Variants in CHRNA9 observed in about 807,000 individuals in gnomAD.
CHRNA9 encodes neuronal acetylcholine receptor subunit alpha-9.
CHRNA9 carries 24 observed loss-of-function variants against 36.8 expected under a neutral mutation model. The observed-to-expected ratio is 0.65, with a 90% CI of 0.47 to 0.92. The LOEUF is 0.92. Among genes scored for constraint, CHRNA9 ranks in the 40% least tolerant of loss-of-function variants. The probability of loss-of-function intolerance (pLI) is 0.00; values close to 1 mark genes in which losing one functional copy is unlikely to be tolerated. For synonymous variants in CHRNA9, 231 were observed against 231.8 expected, an observed-to-expected ratio of 1.00 and a Z score of 0.03; for missense variants, 610 against 601.2, an observed-to-expected ratio of 1.01 and a Z score of -0.15.
At chr4:40,339,640 G>A (rs1286230534) in intron 3 of CHRNA9, among the ~76,000 whole-genome samples, 3 of 139,706 alleles carry the variant, frequency 2.1e-5, no homozygotes, top group African/African-American at 8.3e-5. Flanking sequence ...TCCAGCCTGG[G>A]TGACAGAGCT....
intron 3 of CHRNA9, among the ~76,000 whole-genome samples, chr4:40,348,306 T>A (rs1320255191): frequency 6.6e-6 from 1 of 152,076 alleles, no homozygotes; most frequent in African/African-American, 2.4e-5. Flanking sequence ...AAATAGAAAT[T>A]CTGTACCCCA....
At chr4:40,336,580 C>T (rs1712326053) in intron 2 of CHRNA9, among the ~76,000 whole-genome samples, 1 of 152,002 alleles carries the variant, frequency 6.6e-6, no homozygotes, top group Non-Finnish European at 1.5e-5. Context: ...GGGTTCACAC[C>T]ATTCTCCTGC....
chr4:40,351,212 A>C (rs898805438), intron 4 of CHRNA9, among the ~76,000 whole-genome samples: 1 of 151,502 alleles, frequency 6.6e-6, no homozygotes. Flanking sequence ...CGTGCCTGTA[A>C]TCCCAGCTAC....
intron 3 of CHRNA9, among the ~76,000 whole-genome samples, chr4:40,345,836 C>T (rs1009257117): frequency 2.0e-5 from 3 of 152,274 alleles, no homozygotes; most frequent in Non-Finnish European, 4.4e-5. Context: ...ACCAGCTTGG[C>T]CAACATGGCA....
intron 3 of CHRNA9, among the ~76,000 whole-genome samples, chr4:40,340,657 G>C (rs150937106): frequency 1.7e-4 from 26 of 152,204 alleles, no homozygotes; most frequent in African/African-American, 6.0e-4. Context: ...ATAGGGTTAG[G>C]GGGTAGGTGA....
intron 3 of CHRNA9, among the ~76,000 whole-genome samples, chr4:40,339,279 C>CAAAAAAAAAAAAAAAAAAAAAAAAAA (rs61634062): frequency 1.4e-5 from 1 of 71,158 alleles, no homozygotes; most frequent in African/African-American, 5.8e-5. Context: ...GACTCCATCT[C>CAAAAAAAAAAAAAAAAAAAAAAAAAA]AAAAAAAAAA....
At chr4:40,337,634 A>G (rs1266957664) in intron 3 of CHRNA9, among the ~76,000 whole-genome samples, 2 of 152,200 alleles carry the variant, frequency 1.3e-5, no homozygotes, top group Admixed American at 6.5e-5. Context: ...TAACTTTGCC[A>G]TAACAGAGTA....
intron 3 of CHRNA9, chr4:40,338,174 G>A (rs1162059396): frequency 6.6e-6 from 1 of 152,218 alleles, no homozygotes. Flanking sequence ...TGGAGTGGAG[G>A]ATGAACCAGT....
intron 2 of CHRNA9, among the ~76,000 whole-genome samples, chr4:40,336,787 A>AT (rs148637762): frequency 4.2e-4 from 64 of 152,222 alleles, no homozygotes; most frequent in Non-Finnish European, 7.9e-4. Flanking sequence ...GCCAATCTCA[A>AT]TTTTTTAAAA....
At chr4:40,350,464 T>C (rs1416210780) in intron 4 of CHRNA9, among the ~76,000 whole-genome samples, 1 of 151,974 alleles carries the variant, frequency 6.6e-6, no homozygotes, top group Non-Finnish European at 1.5e-5. Flanking sequence ...TCTCGAGGAG[T>C]TGCTGTTGTA....
At chr4:40,339,279 CAAAAAAA>C (rs61634062) in intron 3 of CHRNA9, among the ~76,000 whole-genome samples, 7 of 71,158 alleles carry the variant, frequency 9.8e-5, no homozygotes, top group African/African-American at 3.5e-4. Context: ...GACTCCATCT[CAAAAAAA>C]AAAAAAAAAA....
chr4:40,347,834 G>A (rs956341373), intron 3 of CHRNA9: 18 of 152,072 alleles, frequency 1.2e-4, no homozygotes, highest in African/African-American at 1.4e-4. Flanking sequence ...TATACTTTTC[G>A]GGGAAAAACT....
At position 40,339,076 on chromosome 4, in the gene CHRNA9, G is replaced by A. The variant is rs192983456; in HGVS notation, c.365+1712G>A. Among the ~76,000 whole-genome samples, 3 of 152,072 alleles carry A rather than the reference G, an allele frequency of 2.0e-5. No individual in the cohort carries two copies. The East Asian group carries it at 5.8e-4, about 30-fold the overall frequency. The stretch of plus-strand genomic sequence containing the variant: ...GTGGATCGCCTGAGGTCAGGAGTTC[G>A]AGAACAGCCTTGCTAACATGGTGAA... On this transcript the variant is annotated intron_variant, in intron 3 of 4. Transcript: ENST00000310169.
intron 3 of CHRNA9, among the ~76,000 whole-genome samples, chr4:40,339,464 T>C (rs62302177): frequency 0.047 from 7,144 of 150,552 alleles, 257 homozygotes; most frequent in Non-Finnish European, 0.064. Flanking sequence ...GGGCGGATCA[T>C]GAGGTCAGGA....
At chr4:40,346,289 A>T (rs1712635759) in intron 3 of CHRNA9, among the ~76,000 whole-genome samples, 1 of 152,224 alleles carries the variant, frequency 6.6e-6, no homozygotes, top group South Asian at 2.1e-4. Context: ...TACTTCATGC[A>T]AATCTTTCCT....
chr4:40,343,088 C>T (rs939158932), intron 3 of CHRNA9, among the ~76,000 whole-genome samples: 1 of 152,224 alleles, frequency 6.6e-6, no homozygotes, highest in East Asian at 1.9e-4. Context: ...GGGCGACTCT[C>T]CCTGCTCCCT....
At chr4:40,339,094 A>G (rs963371426) in intron 3 of CHRNA9, among the ~76,000 whole-genome samples, 1 of 151,654 alleles carries the variant, frequency 6.6e-6, no homozygotes, top group Admixed American at 6.6e-5. Flanking sequence ...CCTTGCTAAC[A>G]TGGTGAAATC....
chr4:40,347,983 T>C (rs1441649442), intron 3 of CHRNA9: 1 of 152,210 alleles, frequency 6.6e-6, no homozygotes, highest in Non-Finnish European at 1.5e-5. Flanking sequence ...GCACATCTCA[T>C]TGAATTAAAG....
chr4:40,340,973 C>CA (rs543449903), intron 3 of CHRNA9, among the ~76,000 whole-genome samples: 11,678 of 64,516 alleles, frequency 0.18, 1,141 homozygotes, highest in African/African-American at 0.23. Flanking sequence ...ATAAGCTCTC[C>CA]AAAAAAAAAA....
Sources: gnomAD v4.1 joint callset for allele counts (sites outside exome capture counted in the v4.1 genomes callset) on GRCh38, gnomAD v4.1.1 for gene constraint, MANE v1.5 for transcripts, NCBI Gene and HGNC (gene_info 2026-07-23, HGNC 2026-07-21) for gene names.